Variants in CAMK1D observed in about 807,000 individuals in gnomAD.
CAMK1D encodes the protein calcium/calmodulin dependent protein kinase ID, also known as calcium/calmodulin-dependent protein kinase type 1D.
Under a neutral mutation model 47.7 loss-of-function variants are expected in CAMK1D, and 9 were observed. The ratio of observed to expected loss-of-function variants is 0.19; its 90% CI spans 0.11 to 0.33. The LOEUF is 0.33. CAMK1D is among the 10% of genes least tolerant of loss of function. CAMK1D has a pLI of 1.00. For missense variants in CAMK1D, 291 were observed against 488.7 expected (o/e 0.60, Z 3.81); for synonymous variants, 184 against 184.9 (o/e 0.99, Z 0.04).
chr10:12,349,758 G>T lies in CAMK1D; in HGVS notation c.-61G>T. 1.4e-6 allele frequency: 1 copy of T among 711,656 alleles called. No individual in the cohort carries two copies. Among genetic ancestry groups the T allele is most frequent in the East Asian group, 1.1e-4 (1 of 9,504 alleles). The allele number at this position is 711,656 out of a possible 1,614,324, so 44.1% of individuals were successfully genotyped here. ...CCCGCCGCCTCTGCGCCCGCGCCGC[G>T]CCCCCGGCGCCCCCTCCCCAGCGCG... On this transcript the variant is annotated 5_prime_UTR_variant, in exon 1 of 11. Coordinates refer to ENST00000619168, the MANE Select transcript of CAMK1D (RefSeq NM_153498.4).
At chr10:12,612,939 T>C (rs1362670604) in intron 2 of CAMK1D, among the ~76,000 whole-genome samples, 3 of 152,176 alleles carry the variant, frequency 2.0e-5, no homozygotes, top group Non-Finnish European at 4.4e-5. Flanking sequence ...ACAGTGTATC[T>C]TTAAGGAATA....
intron 3 of CAMK1D, among the ~76,000 whole-genome samples, chr10:12,703,742 G>A (rs571442056): frequency 2.0e-5 from 3 of 152,134 alleles, no homozygotes; most frequent in South Asian, 2.1e-4. Flanking sequence ...GGTGGCATGC[G>A]CCTGTAGTCC....
chr10:12,564,149 C>G lies in CAMK1D; in HGVS notation c.224+10793C>G, dbSNP rs974965879. ...TCTCTCTCTCTCTCTCTCTCTCTGT[C>G]TCTCTCTCTCTCTCTCTCTCTCTCT... On this transcript the variant is annotated intron_variant, in intron 2 of 10. Transcript: ENST00000619168. 0.02 allele frequency among the ~76,000 whole-genome samples: 344 copies of G among 17,226 alleles called. 14 individuals carry two copies. The East Asian group carries it at 0.22, about 11-fold the overall frequency. 11.3% of individuals were successfully genotyped at this position (17,226 alleles called of 152,430 possible). A position where few individuals can be genotyped will look rare whatever the true frequency, so the allele number is the denominator to read the frequency against.
intron 1 of CAMK1D, among the ~76,000 whole-genome samples, chr10:12,552,339 G>A (rs1040349721): frequency 8.5e-5 from 13 of 152,244 alleles, no homozygotes; most frequent in African/African-American, 3.1e-4. Flanking sequence ...GATACAAGCT[G>A]CTCGGTGAGC....
chr10:12,409,448 A>G (rs572682869), intron 1 of CAMK1D, among the ~76,000 whole-genome samples: 1 of 152,094 alleles, frequency 6.6e-6, no homozygotes, highest in African/African-American at 2.4e-5. Context: ...GCTACTTGAA[A>G]TCTCTCCTTT....
At chr10:12,659,026 T>C (rs1840197820) in intron 2 of CAMK1D, among the ~76,000 whole-genome samples, 6 of 152,174 alleles carry the variant, frequency 3.9e-5, no homozygotes, top group Admixed American at 2.6e-4. Flanking sequence ...ACATGCCCAC[T>C]GGGGCTTCGG....
At chr10:12,789,169 C>T (rs530796749) in intron 5 of CAMK1D, among the ~76,000 whole-genome samples, 39 of 152,312 alleles carry the variant, frequency 2.6e-4, no homozygotes, top group African/African-American at 9.1e-4. Flanking sequence ...GAGTGTGACC[C>T]AACACAAATT....
chr10:12,674,946 G>T (rs1309485721), intron 3 of CAMK1D, among the ~76,000 whole-genome samples: 4 of 149,736 alleles, frequency 2.7e-5, no homozygotes, highest in African/African-American at 9.9e-5. Flanking sequence ...GCAGGGAATT[G>T]CTTAAACCTG....
intron 1 of CAMK1D, among the ~76,000 whole-genome samples, chr10:12,502,642 G>C (rs544250543): frequency 6.6e-6 from 1 of 152,168 alleles, no homozygotes; most frequent in Non-Finnish European, 1.5e-5. Context: ...GCTTTAGCCC[G>C]GGCCCTCGGA....
intron 3 of CAMK1D, among the ~76,000 whole-genome samples, chr10:12,696,625 C>T (rs1020814882): frequency 1.3e-5 from 2 of 152,204 alleles, no homozygotes; most frequent in Non-Finnish European, 2.9e-5. Flanking sequence ...TATTCATATT[C>T]ATGTTCAACA....
At chr10:12,600,447 A>ATC (rs1554795028) in intron 2 of CAMK1D, among the ~76,000 whole-genome samples, 2 of 152,216 alleles carry the variant, frequency 1.3e-5, no homozygotes, top group African/African-American at 4.8e-5. Context: ...TTAACAGAAT[A>ATC]TAGAGGGGTC....
chr10:12,551,641 G>A (rs923192272), intron 1 of CAMK1D, among the ~76,000 whole-genome samples: 1 of 152,140 alleles, frequency 6.6e-6, no homozygotes, highest in Admixed American at 6.5e-5. Flanking sequence ...AGGAAGCTGA[G>A]TCAGGAGAAT....
At chr10:12,717,773 A>C (rs904715343) in intron 3 of CAMK1D, among the ~76,000 whole-genome samples, 2 of 149,152 alleles carry the variant, frequency 1.3e-5, no homozygotes, top group Non-Finnish European at 3.0e-5. Context: ...GCACACCTGT[A>C]GTCCCAGCTA....
chr10:12,457,202 C>G (rs1833276734), intron 1 of CAMK1D, among the ~76,000 whole-genome samples: 1 of 152,040 alleles, frequency 6.6e-6, no homozygotes, highest in South Asian at 2.1e-4. Context: ...ACCAGCCTGA[C>G]CAACATGGTG....
chr10:12,584,263 G>GTGAT (rs1361635277), intron 2 of CAMK1D, among the ~76,000 whole-genome samples: 5 of 152,198 alleles, frequency 3.3e-5, no homozygotes, highest in African/African-American at 1.2e-4. Context: ...TAAGTAAAAT[G>GTGAT]TGATTCTCCA....
At chr10:12,571,721 G>A (rs532246061) in intron 2 of CAMK1D, among the ~76,000 whole-genome samples, 5 of 152,022 alleles carry the variant, frequency 3.3e-5, no homozygotes, top group Admixed American at 1.3e-4. Flanking sequence ...TCTTTCTTTC[G>A]TAGCAAACTT....
At position 12,828,762 on chromosome 10, in the gene CAMK1D, C is replaced by G. The variant is rs887283692; in HGVS notation, c.1040-7C>G. On this transcript the variant is annotated splice_region_variant and splice_polypyrimidine_tract_variant and intron_variant, in intron 10 of 10. Transcript: ENST00000619168. ...ACTCTGAAGCCCACTTCTGCTGTTC[C>G]CTGCAGGTCTGGCACCTTCCACGCT... 5.0e-6 allele frequency: 8 copies of G among 1,608,178 alleles called. No individual in the cohort carries two copies. The highest frequency in any genetic ancestry group is 6.8e-6 in the Non-Finnish European group (8 of 1,175,722).
At chr10:12,745,321 T>A (rs1219997992) in intron 3 of CAMK1D, among the ~76,000 whole-genome samples, 1 of 152,202 alleles carries the variant, frequency 6.6e-6, no homozygotes, top group Non-Finnish European at 1.5e-5. Context: ...TGAGCCACCG[T>A]GCCCAGCTGC....
At chr10:12,608,430 A>T (rs756417447) in intron 2 of CAMK1D, among the ~76,000 whole-genome samples, 1 of 152,238 alleles carries the variant, frequency 6.6e-6, no homozygotes, top group Non-Finnish European at 1.5e-5. Flanking sequence ...AAAAAAGAAC[A>T]AACATATTTA....
Sources: allele counts gnomAD v4.1 joint callset (sites outside exome capture counted in the v4.1 genomes callset), GRCh38; gene constraint gnomAD v4.1.1; transcripts MANE v1.5; gene names NCBI Gene and HGNC (gene_info 2026-07-23, HGNC 2026-07-21).